GRID1: variants seen among roughly 807,000 people sequenced by gnomAD.
The protein encoded by GRID1 is glutamate ionotropic receptor delta type subunit 1.
A neutral mutation model predicts 98.0 loss-of-function variants in GRID1; 28 were observed. That is an observed-to-expected ratio of 0.29 (90% CI 0.21 to 0.39). The LOEUF (loss-of-function observed/expected upper bound fraction) is 0.39. GRID1 is among the 10% of genes least tolerant of loss of function. The pLI is 1.00. For synonymous variants in GRID1, 553 were observed against 538.5 expected (o/e 1.03, Z -0.37); for missense variants, 1,111 against 1,340.5 (o/e 0.83, Z 2.67).
intron 2 of GRID1, among the ~76,000 whole-genome samples, chr10:86,336,632 C>A (rs1848225552): frequency 6.6e-6 from 1 of 152,214 alleles, no homozygotes; most frequent in Non-Finnish European, 1.5e-5. Flanking sequence ...CCAGTAGGCT[C>A]CAGGGCTGGT....
chr10:85,743,551 T>G (rs181311323), intron 8 of GRID1, among the ~76,000 whole-genome samples: 1 of 152,158 alleles, frequency 6.6e-6, no homozygotes, highest in Non-Finnish European at 1.5e-5. Context: ...GGAAGGAAGA[T>G]AGGAGAACCT....
intron 8 of GRID1, among the ~76,000 whole-genome samples, chr10:85,822,260 A>G (rs1289384608): frequency 6.6e-6 from 1 of 152,116 alleles, no homozygotes; most frequent in East Asian, 1.9e-4. Context: ...AACCTACAGA[A>G]TGGGAGAAAA....
intron 3 of GRID1, among the ~76,000 whole-genome samples, chr10:86,205,986 C>CTG (rs1165691305): frequency 1.3e-5 from 2 of 152,044 alleles, no homozygotes; most frequent in African/African-American, 4.8e-5. Flanking sequence ...GAAGGCCAGG[C>CTG]AATCGTCCAG....
chr10:86,270,436 T>C (rs958150602), intron 2 of GRID1, among the ~76,000 whole-genome samples: 13 of 152,008 alleles, frequency 8.6e-5, no homozygotes, highest in Non-Finnish European at 1.8e-4. Flanking sequence ...ATGCCTGTAA[T>C]CCCAGCATTT....
At chr10:85,679,190 T>A (rs1337148039) in intron 12 of GRID1, among the ~76,000 whole-genome samples, 1 of 152,070 alleles carries the variant, frequency 6.6e-6, no homozygotes, top group East Asian at 1.9e-4. Flanking sequence ...GACAGACACA[T>A]CCTTGAAATA....
intron 12 of GRID1, among the ~76,000 whole-genome samples, chr10:85,682,994 T>A (rs1841228029): frequency 6.6e-6 from 1 of 152,242 alleles, no homozygotes; most frequent in Non-Finnish European, 1.5e-5. Context: ...ACATTTCTAC[T>A]TTTGTTGTTG....
chr10:86,310,576 G>C (rs1847819063), intron 2 of GRID1, among the ~76,000 whole-genome samples: 3 of 152,186 alleles, frequency 2.0e-5, no homozygotes, highest in African/African-American at 7.2e-5. Flanking sequence ...GCAGGTACCT[G>C]AGTGTTGGGG....
At chr10:86,348,358 G>T (rs1848417141) in intron 2 of GRID1, among the ~76,000 whole-genome samples, 2 of 152,262 alleles carry the variant, frequency 1.3e-5, no homozygotes, top group South Asian at 4.1e-4. Flanking sequence ...CCGGGCAGAG[G>T]AAGCAGAGCG....
chr10:86,176,370 CTT>C (rs768039572), intron 3 of GRID1, among the ~76,000 whole-genome samples: 1 of 152,210 alleles, frequency 6.6e-6, no homozygotes, highest in Non-Finnish European at 1.5e-5. Flanking sequence ...GAATGGGGAA[CTT>C]GGCCTTATTA....
At chr10:85,949,897 G>C (rs1489689565) in intron 4 of GRID1, among the ~76,000 whole-genome samples, 1 of 150,508 alleles carries the variant, frequency 6.6e-6, no homozygotes, top group Admixed American at 6.6e-5. Context: ...GAGAGAGAGA[G>C]AACTATAGGG....
intron 2 of GRID1, among the ~76,000 whole-genome samples, chr10:86,238,693 G>A (rs539939555): frequency 2.8e-4 from 41 of 148,390 alleles, no homozygotes; most frequent in African/African-American, 7.5e-4. Context: ...AAAAAAAAGC[G>A]TTTGGCGGGG....
intron 8 of GRID1, among the ~76,000 whole-genome samples, chr10:85,783,390 A>G (rs1015534595): frequency 1.3e-5 from 2 of 152,180 alleles, no homozygotes; most frequent in African/African-American, 4.8e-5. Context: ...CAGGTTTATA[A>G]TATCAAGAAG....
intron 8 of GRID1, among the ~76,000 whole-genome samples, chr10:85,782,843 G>T (rs137950314): frequency 6.6e-6 from 1 of 152,200 alleles, no homozygotes; most frequent in Non-Finnish European, 1.5e-5. Flanking sequence ...GTACGTGCAC[G>T]TCTAAATCTT....
chr10:86,166,679 A>G (rs758819469), intron 3 of GRID1, among the ~76,000 whole-genome samples: 11 of 152,206 alleles, frequency 7.2e-5, no homozygotes, highest in Non-Finnish European at 2.9e-5. Context: ...CCTGGCTGAC[A>G]CTTAAAATTT....
At chr10:85,944,821 GTT>G (rs34412615) in intron 4 of GRID1, among the ~76,000 whole-genome samples, 6 of 150,622 alleles carry the variant, frequency 4.0e-5, no homozygotes, top group Non-Finnish European at 7.4e-5. Flanking sequence ...TTACTGTAGA[GTT>G]TTTTTTTTAA....
intron 2 of GRID1, among the ~76,000 whole-genome samples, chr10:86,232,217 A>ACGCAGC (rs1280902995): frequency 1.3e-5 from 2 of 152,178 alleles, no homozygotes; most frequent in Non-Finnish European, 2.9e-5. Flanking sequence ...CAGGGGAATA[A>ACGCAGC]CGCAGCCGTT....
At chr10:85,637,028 A>G (rs1843052638) in intron 13 of GRID1, among the ~76,000 whole-genome samples, 1 of 152,256 alleles carries the variant, frequency 6.6e-6, no homozygotes, top group African/African-American at 2.4e-5. Flanking sequence ...AAATTTTTAC[A>G]TCAATTTACA....
intron 3 of GRID1, among the ~76,000 whole-genome samples, chr10:86,175,239 C>T (rs1490187596): frequency 1.3e-5 from 2 of 151,610 alleles, no homozygotes; most frequent in Non-Finnish European, 2.9e-5. Context: ...TAGACTGTCT[C>T]AACTTGTGGA....
intron 3 of GRID1, among the ~76,000 whole-genome samples, chr10:86,168,597 C>A (rs1564695636): frequency 6.6e-6 from 1 of 152,226 alleles, no homozygotes; most frequent in African/African-American, 2.4e-5. Flanking sequence ...GCCCACTGCA[C>A]CCTGAGGAGC....
Sources: gnomAD v4.1 joint callset for allele counts (sites outside exome capture counted in the v4.1 genomes callset) on GRCh38, gnomAD v4.1.1 for gene constraint, MANE v1.5 for transcripts, NCBI Gene and HGNC (gene_info 2026-07-23, HGNC 2026-07-21) for gene names.